Variants in KCNH8 observed in about 807,000 individuals in gnomAD.
KCNH8 encodes the protein voltage-gated delayed rectifier potassium channel KCNH8.
KCNH8 carries 70 observed loss-of-function variants against 103.6 expected under a neutral mutation model. That is an observed-to-expected ratio of 0.68 (90% CI 0.56 to 0.82). The LOEUF (loss-of-function observed/expected upper bound fraction) is 0.82, where lower values mean the gene tolerates loss of function less well. Among genes scored for constraint, KCNH8 ranks in the 40% least tolerant of loss-of-function variants. The pLI, the probability that KCNH8 is intolerant of heterozygous loss-of-function variation, is 0.00. For missense variants in KCNH8, 1,217 were observed against 1,329.9 expected (o/e 0.92, Z 1.32); for synonymous variants, 498 against 489.4 (o/e 1.02, Z -0.23).
chr3:19,367,172 A>G (rs1008413609), intron 5 of KCNH8, among the ~76,000 whole-genome samples: 1 of 151,886 alleles, frequency 6.6e-6, no homozygotes, highest in African/African-American at 2.4e-5. Flanking sequence ...ACTCCCAGAA[A>G]ATAAAAATGG....
intron 1 of KCNH8, among the ~76,000 whole-genome samples, chr3:19,170,816 T>A (rs1466315912): frequency 7.1e-6 from 1 of 140,802 alleles, no homozygotes. Context: ...ATATATTTTT[T>A]TTTTTTTTTT....
chr3:19,201,897 A>G (rs1439223855), intron 1 of KCNH8, among the ~76,000 whole-genome samples: 1 of 152,164 alleles, frequency 6.6e-6, no homozygotes, highest in Non-Finnish European at 1.5e-5. Flanking sequence ...TCAGATCAAA[A>G]CCATTAGATG....
At chr3:19,466,772 C>T (rs530026532) in intron 11 of KCNH8, among the ~76,000 whole-genome samples, 1 of 149,268 alleles carries the variant, frequency 6.7e-6, no homozygotes, top group Non-Finnish European at 1.5e-5. Flanking sequence ...AGCGATTCTC[C>T]TGCCTCAGCC....
intron 1 of KCNH8, among the ~76,000 whole-genome samples, chr3:19,192,061 G>A (rs2063558235): frequency 6.6e-6 from 1 of 151,452 alleles, no homozygotes; most frequent in Non-Finnish European, 1.5e-5. Flanking sequence ...AGCCTTAGTA[G>A]CTTCAGTATA....
chr3:19,255,397 A>G (rs570289614), intron 2 of KCNH8, among the ~76,000 whole-genome samples: 77 of 152,298 alleles, frequency 5.1e-4, no homozygotes, highest in Non-Finnish European at 7.8e-4. Context: ...ATATAAGATC[A>G]TGTCATGTGC....
At position 19,482,115 on chromosome 3, in the gene KCNH8, AC is replaced by A. The variant is rs1245584775; in HGVS notation, c.2040+25134del. 1.8e-4 allele frequency among the ~76,000 whole-genome samples: 28 copies of A among 152,200 alleles called. 1 individual carries two copies. Among genetic ancestry groups the A allele is most frequent in the Admixed American group, 1.5e-3 (23 of 15,278 alleles). On this transcript the variant is annotated intron_variant, in intron 11 of 15. Coordinates refer to ENST00000328405, the MANE Select transcript of KCNH8 (RefSeq NM_144633.3). ...TCGATTGAGCAAGCAAGCAGGCAGT[AC>A]GTGACTGGGGGCTGCATGCACCTGC...
intron 1 of KCNH8, among the ~76,000 whole-genome samples, chr3:19,236,862 T>C (rs1054371253): frequency 2.6e-5 from 4 of 152,250 alleles, no homozygotes; most frequent in African/African-American, 9.6e-5. Context: ...ACATATATTA[T>C]GCTAAAATAT....
At chr3:19,337,159 C>A (rs559156225) in intron 3 of KCNH8, among the ~76,000 whole-genome samples, 7 of 152,140 alleles carry the variant, frequency 4.6e-5, no homozygotes, top group Middle Eastern at 3.4e-3. Flanking sequence ...TATCAGCCCT[C>A]CCACTTACTG....
chr3:19,344,560 T>C (rs1466573324), intron 4 of KCNH8, among the ~76,000 whole-genome samples: 1 of 152,074 alleles, frequency 6.6e-6, no homozygotes, highest in Non-Finnish European at 1.5e-5. Context: ...ACAGGTAATA[T>C]CTTATTCCTG....
chr3:19,284,568 A>G (rs2064804293), intron 3 of KCNH8, among the ~76,000 whole-genome samples: 1 of 151,054 alleles, frequency 6.6e-6, no homozygotes, highest in African/African-American at 2.4e-5. Context: ...AGAGAGAGAG[A>G]GAAAGAGAGA....
intron 11 of KCNH8, among the ~76,000 whole-genome samples, chr3:19,484,794 G>A (rs958745426): frequency 7.9e-5 from 12 of 152,096 alleles, no homozygotes; most frequent in African/African-American, 2.7e-4. Flanking sequence ...ATTTACCTAA[G>A]TTGAGATTGT....
intron 1 of KCNH8, among the ~76,000 whole-genome samples, chr3:19,156,109 A>G (rs954306232): frequency 2.6e-5 from 4 of 152,046 alleles, no homozygotes; most frequent in African/African-American, 9.7e-5. Context: ...CCAGCCTCTT[A>G]TTTTCACGTG....
At chr3:19,163,650 A>G (rs1230626484) in intron 1 of KCNH8, among the ~76,000 whole-genome samples, 1 of 152,180 alleles carries the variant, frequency 6.6e-6, no homozygotes, top group African/African-American at 2.4e-5. Context: ...GTTAATACAC[A>G]GTTGACTCTT....
chr3:19,190,291 G>C (rs1371604657), intron 1 of KCNH8, among the ~76,000 whole-genome samples: 1 of 151,838 alleles, frequency 6.6e-6, no homozygotes, highest in African/African-American at 2.4e-5. Context: ...TGTTCTTCTT[G>C]ATAACAAATC....
At chr3:19,440,633 C>T (rs185001418) in intron 8 of KCNH8, among the ~76,000 whole-genome samples, 14 of 152,230 alleles carry the variant, frequency 9.2e-5, no homozygotes, top group African/African-American at 2.6e-4. Context: ...CCCCACAACA[C>T]GTGGGGATTA....
rs2068495592 is a variant in KCNH8, at chr3:19,498,460, GCTGA to G, written c.2041-11900_2041-11897del. Among the ~76,000 whole-genome samples the G allele has an allele frequency of 2.6e-5, 4 of 152,114 alleles. No individual in the cohort carries two copies. The South Asian group carries it at 8.3e-4, about 32-fold the overall frequency. ...CATGGTGGTAATGAATTCCCTCAGC[GCTGA>G]CTTGTCTCAAAAGGATCTTATTTCT... On this transcript the variant is annotated intron_variant, in intron 11 of 15. Coordinates refer to ENST00000328405, the MANE Select transcript of KCNH8 (RefSeq NM_144633.3).
At chr3:19,258,296 C>T (rs564907625) in intron 2 of KCNH8, among the ~76,000 whole-genome samples, 1 of 152,118 alleles carries the variant, frequency 6.6e-6, no homozygotes, top group East Asian at 1.9e-4. Flanking sequence ...AACATTCTTG[C>T]TTGACTTCAA....
At chr3:19,448,087 T>C in intron 8 of KCNH8, among the ~76,000 whole-genome samples, 1 of 151,984 alleles carries the variant, frequency 6.6e-6, no homozygotes. Flanking sequence ...ATTCATAACA[T>C]GTTTCACTTT....
chr3:19,260,670 A>G (rs1209900897), intron 2 of KCNH8, among the ~76,000 whole-genome samples: 3 of 148,826 alleles, frequency 2.0e-5, no homozygotes, highest in Non-Finnish European at 3.0e-5. Flanking sequence ...ATTATTAACT[A>G]TAGTCTTCTT....
Sources: gnomAD v4.1 joint callset for allele counts (sites outside exome capture counted in the v4.1 genomes callset) on GRCh38, gnomAD v4.1.1 for gene constraint, MANE v1.5 for transcripts, NCBI Gene and HGNC (gene_info 2026-07-23, HGNC 2026-07-21) for gene names.